Variants in OLA1 observed in about 807,000 individuals in gnomAD.
OLA1 encodes Obg like ATPase 1.
Under a neutral mutation model 48.4 loss-of-function variants are expected in OLA1, and 14 were observed. The observed-to-expected ratio is 0.29, with a 90% CI of 0.19 to 0.45. OLA1 has a LOEUF of 0.45. Among genes scored for constraint, OLA1 ranks in the 20% least tolerant of loss-of-function variants. OLA1 has a pLI of 1.00. For synonymous variants in OLA1, 127 were observed against 150.4 expected (o/e 0.84, Z 1.14); for missense variants, 325 against 467.1 (o/e 0.70, Z 2.80).
intron 2 of OLA1, among the ~76,000 whole-genome samples, chr2:174,229,881 GGAAA>G (rs1158501184): frequency 6.6e-6 from 1 of 152,142 alleles, no homozygotes; most frequent in African/African-American, 2.4e-5. Context: ...CTCTGAATTG[GGAAA>G]GAGATGCTAA....
chr2:174,201,100 A>G (rs1053206464), intron 4 of OLA1, among the ~76,000 whole-genome samples: 1 of 152,192 alleles, frequency 6.6e-6, no homozygotes, highest in Non-Finnish European at 1.5e-5. Context: ...TCGGCATCAA[A>G]GTATCATCAC....
At chr2:174,081,830 ACT>A in intron 8 of OLA1, 92 bp downstream of exon 8, 2 of 1,170,816 alleles carry the variant, frequency 1.7e-6, no homozygotes, top group Non-Finnish European at 2.5e-6. Context: ...AATGGTAATT[ACT>A]CTGTCATTTA....
intron 7 of OLA1, among the ~76,000 whole-genome samples, chr2:174,093,278 C>T (rs1685168804): frequency 6.6e-6 from 1 of 151,976 alleles, no homozygotes; most frequent in Non-Finnish European, 1.5e-5. Flanking sequence ...GAGACCCCAT[C>T]TCTATGAATA....
intron 3 of OLA1, 144 bp downstream of exon 3, chr2:174,229,164 G>A (rs935211153): frequency 7.8e-5 from 63 of 810,914 alleles, no homozygotes; most frequent in African/African-American, 6.6e-4. Context: ...GTGAGCCACC[G>A]CACCCAGCCC....
At chr2:174,129,557 A>T (rs1686128904) in intron 5 of OLA1, among the ~76,000 whole-genome samples, 1 of 151,228 alleles carries the variant, frequency 6.6e-6, no homozygotes, top group South Asian at 2.1e-4. Flanking sequence ...AACTATATAT[A>T]ATATATATAA....
chr2:174,187,254 C>T (rs938393607), intron 4 of OLA1, among the ~76,000 whole-genome samples: 1 of 152,156 alleles, frequency 6.6e-6, no homozygotes, highest in Non-Finnish European at 1.5e-5. Context: ...GATGCCAGAA[C>T]AAGTCTATAT....
chr2:174,219,317 T>C (rs1047039741), intron 4 of OLA1, among the ~76,000 whole-genome samples: 3 of 151,806 alleles, frequency 2.0e-5, no homozygotes, highest in African/African-American at 7.3e-5. Context: ...TTCTATATTG[T>C]TTATGCTCAT....
At chr2:174,127,944 T>C (rs1686080619) in intron 5 of OLA1, among the ~76,000 whole-genome samples, 1 of 151,930 alleles carries the variant, frequency 6.6e-6, no homozygotes, top group Non-Finnish European at 1.5e-5. Context: ...ATATATTAAA[T>C]ATATCATTAT....
intron 7 of OLA1, among the ~76,000 whole-genome samples, chr2:174,104,130 T>C (rs1426198636): frequency 6.8e-6 from 1 of 147,406 alleles, no homozygotes; most frequent in Non-Finnish European, 1.5e-5. Context: ...TGGGTCCAAA[T>C]GGTTCAGGAA....
chr2:174,083,038 G>A (rs1053604993), intron 7 of OLA1, among the ~76,000 whole-genome samples: 1 of 152,046 alleles, frequency 6.6e-6, no homozygotes, highest in Non-Finnish European at 1.5e-5. Context: ...AGAATTAACA[G>A]CAGTTACTAT....
chr2:174,187,776 G>A (rs1687688120), intron 4 of OLA1, among the ~76,000 whole-genome samples: 1 of 152,186 alleles, frequency 6.6e-6, no homozygotes, highest in African/African-American at 2.4e-5. Flanking sequence ...AGTGAACAGA[G>A]GCAGGGGTAT....
chr2:174,144,952 ATATATATATAT>A (rs1443786471), intron 4 of OLA1, among the ~76,000 whole-genome samples: 3 of 49,004 alleles, frequency 6.1e-5, no homozygotes, highest in Non-Finnish European at 1.1e-4. Flanking sequence ...AAAAAAAAAA[ATATATATATAT>A]ATATATATAT....
intron 7 of OLA1, 59 bp from the exon 8 acceptor site, chr2:174,082,123 C>T: frequency 1.3e-6 from 2 of 1,556,552 alleles, no homozygotes; most frequent in Non-Finnish European, 1.8e-6. Flanking sequence ...GTACCACATT[C>T]ATTATTATCA....
intron 7 of OLA1, among the ~76,000 whole-genome samples, chr2:174,094,100 G>A (rs561764185): frequency 3.0e-4 from 46 of 152,324 alleles, no homozygotes; most frequent in African/African-American, 1.1e-3. Flanking sequence ...AGCATGTGTG[G>A]CCCAGTGGTA....
At chr2:174,202,929 CA>C (rs1291536697) in intron 4 of OLA1, among the ~76,000 whole-genome samples, 3 of 152,128 alleles carry the variant, frequency 2.0e-5, no homozygotes, top group Non-Finnish European at 4.4e-5. Flanking sequence ...CAGTTACACA[CA>C]GTTCAACTGA....
intron 2 of OLA1, among the ~76,000 whole-genome samples, chr2:174,244,833 T>C (rs946576715): frequency 6.6e-6 from 1 of 152,078 alleles, no homozygotes; most frequent in Non-Finnish European, 1.5e-5. Flanking sequence ...GGTTTCGCCA[T>C]GTTGGCCAGG....
At chr2:174,104,631 T>C (rs1158756755) in intron 7 of OLA1, among the ~76,000 whole-genome samples, 3 of 152,066 alleles carry the variant, frequency 2.0e-5, no homozygotes, top group South Asian at 2.1e-4. Context: ...TTTTGTGGGA[T>C]GGTTATGCAG....
chr2:174,089,664 G>A (rs1685060832), intron 7 of OLA1, among the ~76,000 whole-genome samples: 1 of 152,078 alleles, frequency 6.6e-6, no homozygotes, highest in Non-Finnish European at 1.5e-5. Flanking sequence ...GACTTTGGGA[G>A]GCCGAGGCGG....
intron 7 of OLA1, among the ~76,000 whole-genome samples, chr2:174,109,299 G>T (rs1685587295): frequency 6.6e-6 from 1 of 151,918 alleles, no homozygotes; most frequent in African/African-American, 2.4e-5. Context: ...TACCCCACTG[G>T]TCTTTAAGCT....
Sources: gnomAD v4.1 joint callset for allele counts (sites outside exome capture counted in the v4.1 genomes callset) on GRCh38, gnomAD v4.1.1 for gene constraint, MANE v1.5 for transcripts, NCBI Gene and HGNC (gene_info 2026-07-23, HGNC 2026-07-21) for gene names.